The following THSD7B variants were observed in gnomAD, a reference collection of about 807,000 sequenced individuals.
The protein encoded by THSD7B is thrombospondin type 1 domain containing 7B, also known as thrombospondin type-1 domain-containing protein 7B.
THSD7B carries 138 observed loss-of-function variants against 213.6 expected under a neutral mutation model. The ratio of observed to expected loss-of-function variants is 0.65; its 90% CI spans 0.56 to 0.74. The LOEUF (loss-of-function observed/expected upper bound fraction) is 0.74. Among genes scored for constraint, THSD7B ranks in the 30% least tolerant of loss-of-function variants. The pLI is 0.00. For missense variants in THSD7B, 1,931 were observed against 1,991.5 expected (o/e 0.97, Z 0.58); for synonymous variants, 742 against 687.0 (o/e 1.08, Z -1.25).
intron 2 of THSD7B, among the ~76,000 whole-genome samples, chr2:136,942,705 C>G (rs1255189439): frequency 2.6e-5 from 4 of 152,142 alleles, no homozygotes; most frequent in Admixed American, 6.6e-5. Flanking sequence ...GATTTTATAT[C>G]CTGAGACTTT....
At chr2:137,304,053 G>A (rs890595913) in intron 12 of THSD7B, among the ~76,000 whole-genome samples, 6 of 151,330 alleles carry the variant, frequency 4.0e-5, no homozygotes, top group East Asian at 1.9e-4. Flanking sequence ...GAGAACATGT[G>A]GTGTTTGGTT....
intron 12 of THSD7B, among the ~76,000 whole-genome samples, chr2:137,330,640 G>C (rs1426430229): frequency 6.6e-6 from 1 of 152,110 alleles, no homozygotes; most frequent in East Asian, 1.9e-4. Context: ...ATTCCCCCCG[G>C]TGAGCTCATG....
At chr2:136,865,465 G>A (rs1040801663) in intron 1 of THSD7B, among the ~76,000 whole-genome samples, 1 of 152,174 alleles carries the variant, frequency 6.6e-6, no homozygotes, top group Non-Finnish European at 1.5e-5. Flanking sequence ...TTCTGTCATT[G>A]GAAATATTCA....
intron 20 of THSD7B, among the ~76,000 whole-genome samples, chr2:137,628,616 C>A (rs975891392): frequency 3.3e-5 from 5 of 152,192 alleles, no homozygotes; most frequent in African/African-American, 1.2e-4. Context: ...CCAGAAAAGA[C>A]CCACTCTGGA....
chr2:136,798,337 A>C (rs899028844), intron 1 of THSD7B, among the ~76,000 whole-genome samples: 5 of 151,768 alleles, frequency 3.3e-5, no homozygotes, highest in African/African-American at 1.2e-4. Context: ...TTCCTTGAAA[A>C]CTTTGTGTTC....
At chr2:137,640,766 G>T (rs1164923527) in intron 20 of THSD7B, among the ~76,000 whole-genome samples, 1 of 152,142 alleles carries the variant, frequency 6.6e-6, no homozygotes, top group Non-Finnish European at 1.5e-5. Context: ...TGATATTATT[G>T]TATCACACAT....
Position 137,393,727 on chromosome 2 carries a change from A to T in THSD7B, c.2501-11886A>T, listed in dbSNP as rs1297580417. On this transcript the variant is annotated intron_variant, in intron 12 of 27. Coordinates refer to ENST00000409968, the MANE Select transcript of THSD7B (RefSeq NM_001316349.2). The stretch of plus-strand genomic sequence containing the variant: ...TATTTCTAGCTCTAGATCCCTGAGG[A>T]ATCACCACACTGACGTCCACAATGG... Among the ~76,000 whole-genome samples the T allele has an allele frequency of 1.7e-4, 24 of 140,982 alleles. 3 individuals carry two copies. The highest frequency in any genetic ancestry group is 2.8e-4 in the Non-Finnish European group (18 of 63,340). 92.5% of individuals were successfully genotyped at this position (140,982 alleles called of 152,430 possible). A position where few individuals can be genotyped will look rare whatever the true frequency, so the allele number is the denominator to read the frequency against.
At chr2:137,296,691 A>G (rs1335486296) in intron 12 of THSD7B, among the ~76,000 whole-genome samples, 1 of 152,160 alleles carries the variant, frequency 6.6e-6, no homozygotes, top group African/African-American at 2.4e-5. Flanking sequence ...GATAAATTGC[A>G]GATATTTCTA....
intron 2 of THSD7B, among the ~76,000 whole-genome samples, chr2:136,972,707 C>A (rs1685423203): frequency 6.6e-6 from 1 of 152,038 alleles, no homozygotes; most frequent in African/African-American, 2.4e-5. Flanking sequence ...GGGTTTAAGA[C>A]AAGTTATTAG....
chr2:137,167,596 C>T (rs1309755306), intron 6 of THSD7B, among the ~76,000 whole-genome samples: 1 of 152,148 alleles, frequency 6.6e-6, no homozygotes, highest in African/African-American at 2.4e-5. Flanking sequence ...AATTAAAAAA[C>T]ACTGACCCCT....
intron 15 of THSD7B, among the ~76,000 whole-genome samples, chr2:137,451,736 C>T (rs1307262092): frequency 1.3e-5 from 2 of 152,020 alleles, no homozygotes; most frequent in African/African-American, 4.8e-5. Flanking sequence ...TCAAATTTCT[C>T]CCATGATTGT....
At chr2:137,184,953 T>TA (rs1227052869) in intron 7 of THSD7B, among the ~76,000 whole-genome samples, 1 of 152,190 alleles carries the variant, frequency 6.6e-6, no homozygotes, top group Non-Finnish European at 1.5e-5. Flanking sequence ...TATATATAGT[T>TA]AGTTATAGTC....
intron 1 of THSD7B, among the ~76,000 whole-genome samples, chr2:136,820,182 G>A (rs1053680979): frequency 1.3e-5 from 2 of 152,162 alleles, no homozygotes; most frequent in South Asian, 4.1e-4. Context: ...TATTTTCTGT[G>A]ATATCCCTAA....
intron 1 of THSD7B, among the ~76,000 whole-genome samples, chr2:136,826,020 A>G (rs1368822155): frequency 1.3e-5 from 2 of 152,144 alleles, no homozygotes; most frequent in African/African-American, 2.4e-5. Context: ...GGATGTAGGC[A>G]TCTTATGGGA....
intron 12 of THSD7B, among the ~76,000 whole-genome samples, chr2:137,363,507 G>A (rs547338378): frequency 1.3e-5 from 2 of 151,834 alleles, no homozygotes; most frequent in East Asian, 1.9e-4. Context: ...TAATAAAGAA[G>A]AAAAGAGAGA....
intron 19 of THSD7B, among the ~76,000 whole-genome samples, chr2:137,618,807 C>A (rs73961011): frequency 0.12 from 18,253 of 152,158 alleles, 1,225 homozygotes; most frequent in South Asian, 0.21. Flanking sequence ...CCTTGGGCGA[C>A]TTTAATATTT....
At chr2:137,156,963 A>G (rs1453909214) in intron 5 of THSD7B, among the ~76,000 whole-genome samples, 1 of 152,208 alleles carries the variant, frequency 6.6e-6, no homozygotes, top group Admixed American at 6.5e-5. Context: ...AAAAGAGGGC[A>G]GTAATACAGC....
At chr2:137,214,103 T>C (rs1026592574) in intron 7 of THSD7B, among the ~76,000 whole-genome samples, 3 of 152,134 alleles carry the variant, frequency 2.0e-5, no homozygotes, top group Admixed American at 6.6e-5. Flanking sequence ...ACTAATAAGT[T>C]GAAGGCTTTG....
intron 12 of THSD7B, among the ~76,000 whole-genome samples, chr2:137,403,484 C>T (rs1686422360): frequency 6.6e-6 from 1 of 152,140 alleles, no homozygotes; most frequent in Admixed American, 6.5e-5. Flanking sequence ...GTTCCTTTCA[C>T]ATAGCAGATT....
Sources: gnomAD v4.1 joint callset for allele counts (sites outside exome capture counted in the v4.1 genomes callset) on GRCh38, gnomAD v4.1.1 for gene constraint, MANE v1.5 for transcripts, NCBI Gene and HGNC (gene_info 2026-07-23, HGNC 2026-07-21) for gene names.